Variants in ZFHX3 observed in about 807,000 individuals in gnomAD.
The protein encoded by ZFHX3 is zinc finger homeobox 3.
Under a neutral mutation model 279.1 loss-of-function variants are expected in ZFHX3, and 42 were observed. The ratio of observed to expected loss-of-function variants is 0.15; its 90% CI spans 0.12 to 0.19. The LOEUF (loss-of-function observed/expected upper bound fraction) is 0.19. ZFHX3 is among the 10% of genes least tolerant of loss of function. The pLI is 1.00. For synonymous variants in ZFHX3, 2,293 were observed against 1,957.8 expected (o/e 1.17, Z -4.52); for missense variants, 4,981 against 4,754.0 (o/e 1.05, Z -1.40).
chr16:73,242,717 G>A (rs1567428085), intron 5 of ZFHX3, among the ~76,000 whole-genome samples: 1 of 152,124 alleles, frequency 6.6e-6, no homozygotes, highest in African/African-American at 2.4e-5. Flanking sequence ...ATGCAATAAC[G>A]AGACAAGAAA....
At chr16:73,646,987 C>T (rs972953810) in intron 2 of ZFHX3, among the ~76,000 whole-genome samples, 23 of 148,722 alleles carry the variant, frequency 1.5e-4, no homozygotes, top group Non-Finnish European at 1.5e-5. Context: ...CGAATTAGGA[C>T]AAATGGCAGT....
chr16:73,740,610 G>A (rs16972440), intron 1 of ZFHX3, among the ~76,000 whole-genome samples: 1,871 of 152,226 alleles, frequency 0.012, 51 homozygotes, highest in African/African-American at 0.042. Context: ...ACCATGCTTT[G>A]AATGCCCTAC....
At chr16:72,907,545 T>TGTGTGTGTGTGTG (rs2039208549) in intron 3 of ZFHX3, among the ~76,000 whole-genome samples, 15 of 120,480 alleles carry the variant, frequency 1.2e-4, no homozygotes, top group Admixed American at 5.3e-4. Flanking sequence ...TTTCCTCTAT[T>TGTGTGTGTGTGTG]TGTGTGTGTG....
At chr16:72,937,501 T>C (rs1229284514) in intron 3 of ZFHX3, among the ~76,000 whole-genome samples, 1 of 152,206 alleles carries the variant, frequency 6.6e-6, no homozygotes, top group African/African-American at 2.4e-5. Flanking sequence ...ATCCAGCAAC[T>C]GGGAGGGGAC....
At chr16:73,081,706 A>G (rs181351003) in intron 8 of ZFHX3, 2 of 152,262 alleles carry the variant, frequency 1.3e-5, no homozygotes, top group East Asian at 3.9e-4. Flanking sequence ...TGCATTCTAG[A>G]ATCTGTGGTC....
At chr16:73,574,934 C>T (rs935680426) in intron 2 of ZFHX3, among the ~76,000 whole-genome samples, 6 of 152,198 alleles carry the variant, frequency 3.9e-5, no homozygotes, top group East Asian at 1.9e-4. Context: ...TCCCCACCGA[C>T]GACGTTCTAC....
At chr16:73,483,372 C>T in intron 2 of ZFHX3, 1 of 446,442 alleles carries the variant, frequency 2.2e-6, no homozygotes, top group South Asian at 1.6e-5. Flanking sequence ...AGAGAGAGTT[C>T]CTCAAGAGAG....
At chr16:73,756,014 G>A (rs931228374) in intron 1 of ZFHX3, among the ~76,000 whole-genome samples, 1 of 152,106 alleles carries the variant, frequency 6.6e-6, no homozygotes, top group African/African-American at 2.4e-5. Context: ...AGGCTCACCG[G>A]CAACTAAAAT....
chr16:73,410,420 C>T (rs2017442761), intron 3 of ZFHX3, among the ~76,000 whole-genome samples: 1 of 152,052 alleles, frequency 6.6e-6, no homozygotes, highest in South Asian at 2.1e-4. Context: ...TGTCTCAAAA[C>T]AAAACAAATC....
chr16:72,841,959 G>A (rs534887775), intron 4 of ZFHX3, among the ~76,000 whole-genome samples: 15 of 152,340 alleles, frequency 9.8e-5, no homozygotes, highest in Admixed American at 8.5e-4. Flanking sequence ...AGAAAATGTT[G>A]CCATGAGATG....
intron 3 of ZFHX3, among the ~76,000 whole-genome samples, chr16:73,454,606 T>C (rs1045429910): frequency 6.7e-6 from 1 of 149,340 alleles, no homozygotes; most frequent in South Asian, 2.1e-4. Flanking sequence ...TACACAGATC[T>C]CAATTTCTTT....
chr16:73,547,155 T>C (rs1309517656), intron 2 of ZFHX3, among the ~76,000 whole-genome samples: 1 of 152,054 alleles, frequency 6.6e-6, no homozygotes, highest in African/African-American at 2.4e-5. Context: ...TGTGTAAAAA[T>C]GCAATGATGT....
intron 4 of ZFHX3, among the ~76,000 whole-genome samples, chr16:72,839,895 A>T (rs552831841): frequency 1.3e-5 from 2 of 152,324 alleles, no homozygotes; most frequent in South Asian, 4.1e-4. Context: ...TTAACATTCC[A>T]GGTGTGAGGC....
intron 7 of ZFHX3, among the ~76,000 whole-genome samples, chr16:73,130,406 A>G (rs1431926899): frequency 6.6e-6 from 1 of 152,190 alleles, no homozygotes; most frequent in East Asian, 1.9e-4. Flanking sequence ...TACAGACAAT[A>G]CCAGGATCCC....
intron 2 of ZFHX3, among the ~76,000 whole-genome samples, chr16:73,560,353 G>A (rs920180640): frequency 6.6e-6 from 1 of 152,174 alleles, no homozygotes; most frequent in African/African-American, 2.4e-5. Flanking sequence ...ATTTGTGTTC[G>A]GACTGGCTAC....
At chr16:73,162,862 G>A (rs1382781990) in intron 5 of ZFHX3, among the ~76,000 whole-genome samples, 2 of 152,218 alleles carry the variant, frequency 1.3e-5, no homozygotes, top group Admixed American at 6.5e-5. Context: ...TGATGAAAGA[G>A]TTGTCTCTAA....
At chr16:72,848,340 A>T (rs779104647) in intron 4 of ZFHX3, among the ~76,000 whole-genome samples, 13 of 151,860 alleles carry the variant, frequency 8.6e-5, no homozygotes, top group Admixed American at 2.6e-4. Context: ...GATCTGCCGC[A>T]CACTCGGTGC....
intron 7 of ZFHX3, among the ~76,000 whole-genome samples, chr16:73,123,828 G>A (rs1244480211): frequency 6.6e-6 from 1 of 152,072 alleles, no homozygotes; most frequent in African/African-American, 2.4e-5. Flanking sequence ...AGAGGCCTGG[G>A]GGAGCTTGTT....
chr16:73,395,508 G>A (rs2017109591), intron 3 of ZFHX3, among the ~76,000 whole-genome samples: 1 of 151,694 alleles, frequency 6.6e-6, no homozygotes, highest in South Asian at 2.1e-4. Flanking sequence ...CATGCCAAGA[G>A]GGTCACCCTG....
Sources: gnomAD v4.1 joint callset for allele counts (sites outside exome capture counted in the v4.1 genomes callset) on GRCh38, gnomAD v4.1.1 for gene constraint, MANE v1.5 for transcripts, NCBI Gene and HGNC (gene_info 2026-07-23, HGNC 2026-07-21) for gene names.